Variants in MTG2 observed in about 807,000 individuals in gnomAD.
The protein encoded by MTG2 is mitochondrial ribosome-associated GTPase 2.
MTG2 carries 23 observed loss-of-function variants against 28.6 expected under a neutral mutation model. The ratio of observed to expected loss-of-function variants is 0.80; its 90% CI spans 0.58 to 1.14. The LOEUF is 1.14. Among genes scored for constraint, MTG2 ranks in the 50% most tolerant of loss-of-function variants. MTG2 has a pLI of 0.00. For synonymous variants in MTG2, 260 were observed against 251.8 expected, an observed-to-expected ratio of 1.03 and a Z score of -0.31; for missense variants, 539 against 552.0, an observed-to-expected ratio of 0.98 and a Z score of 0.24.
intron 1 of MTG2, among the ~76,000 whole-genome samples, chr20:62,185,364 A>G (rs2057819305): frequency 6.6e-6 from 1 of 152,192 alleles, no homozygotes; most frequent in Non-Finnish European, 1.5e-5. Flanking sequence ...GTGAGCTGAG[A>G]TCATGCCACT....
intron 1 of MTG2, among the ~76,000 whole-genome samples, chr20:62,188,301 A>G (rs1053707872): frequency 6.6e-6 from 1 of 151,980 alleles, no homozygotes. Context: ...TTGACTTCCA[A>G]TTTAATTCCG....
At chr20:62,194,978 C>T (rs1251400567) in intron 2 of MTG2, among the ~76,000 whole-genome samples, 2 of 152,208 alleles carry the variant, frequency 1.3e-5, no homozygotes, top group Admixed American at 6.5e-5. Flanking sequence ...GGGTGGATCA[C>T]GAGGTCAGGA....
chr20:62,193,347 C>T (rs186798167), intron 1 of MTG2, 69 bp from the exon 2 acceptor site: 16 of 1,454,160 alleles, frequency 1.1e-5, no homozygotes, highest in African/African-American at 9.8e-5. Context: ...ATGAGGCCCT[C>T]GTCTTCAGTT....
intron 1 of MTG2, among the ~76,000 whole-genome samples, chr20:62,185,593 T>C (rs1443518032): frequency 1.3e-5 from 2 of 152,012 alleles, no homozygotes; most frequent in Admixed American, 1.3e-4. Context: ...GGTGAGATCA[T>C]GCTATTGCAC....
At chr20:62,189,606 G>A (rs1411940603) in intron 1 of MTG2, among the ~76,000 whole-genome samples, 1 of 151,208 alleles carries the variant, frequency 6.6e-6, no homozygotes, top group East Asian at 1.9e-4. Context: ...TGCCCAGCTA[G>A]CTCTTTTTAA....
intron 1 of MTG2, among the ~76,000 whole-genome samples, chr20:62,184,659 A>G (rs1477861604): frequency 6.6e-6 from 1 of 152,158 alleles, no homozygotes; most frequent in Non-Finnish European, 1.5e-5. Context: ...TCTCTGGTAG[A>G]GGGCCAGGTC....
chr20:62,195,835 G>T lies in MTG2; in HGVS notation c.238G>T (p.Val80Phe), dbSNP rs775099082. 1 of 1,614,226 alleles carries T rather than the reference G, an allele frequency of 6.2e-7. No individual in the cohort carries two copies. Among genetic ancestry groups the T allele is most frequent in the Admixed American group, 1.7e-5 (1 of 60,030 alleles). ...CTTTGTGGACTATCGGAGAGTGCTT[G>T]TCTGTGGAGGAAACGGAGGCGCTGG... ...RYFVDYRRVL[V>F]CGGNGGAGAS... The change falls in exon 3 of 7, where the codon GTC becomes TTC. Residue 80 changes from valine (V) to phenylalanine (F), a missense_variant. Coordinates refer to ENST00000370823, the MANE Select transcript of MTG2 (RefSeq NM_015666.4).
At chr20:62,196,168 T>TTTTG (rs1568788366) in intron 3 of MTG2, among the ~76,000 whole-genome samples, 1 of 83,484 alleles carries the variant, frequency 1.2e-5, no homozygotes, top group East Asian at 7.1e-4. Context: ...TGTTTTTTTG[T>TTTTG]TTTTTTTTTT....
At chr20:62,196,052 C>T (rs775770566) in intron 3 of MTG2, 103 bp downstream of exon 3, 11 of 1,406,966 alleles carry the variant, frequency 7.8e-6, no homozygotes, top group Admixed American at 2.1e-5. Flanking sequence ...GTGGCTTATG[C>T]CTGTGATCCC....
At chr20:62,198,330 G>T in intron 4 of MTG2, 1 of 538,162 alleles carries the variant, frequency 1.9e-6, no homozygotes, top group Non-Finnish European at 3.3e-6. Context: ...TTCGCGAGCT[G>T]AATTCACTCG....
At chr20:62,184,430 C>T (rs546134782) in intron 1 of MTG2, among the ~76,000 whole-genome samples, 1 of 152,292 alleles carries the variant, frequency 6.6e-6, no homozygotes, top group East Asian at 1.9e-4. Flanking sequence ...ATAAAGGGAC[C>T]GTTTGCAAAG....
intron 6 of MTG2, 164 bp downstream of exon 6, chr20:62,199,421 G>A (rs1467663797): frequency 2.9e-5 from 22 of 759,278 alleles, no homozygotes; most frequent in Middle Eastern, 3.8e-4. Flanking sequence ...CGAGGCAGGC[G>A]GATCACGAGG....
chr20:62,198,865 A>T lies in MTG2; in HGVS notation c.687+13A>T, dbSNP rs1286104881. ...CCACGCCGGAATGGTAGGTGTCCCC[A>T]CTGCCAACAGCATCTGCACACACTC... On this transcript the variant is annotated intron_variant, in intron 5 of 6. Coordinates refer to ENST00000370823, the MANE Select transcript of MTG2 (RefSeq NM_015666.4). The T allele has an allele frequency of 6.2e-7, 1 of 1,613,882 alleles. No homozygotes were observed. The highest frequency in any genetic ancestry group is 8.5e-7 in the Non-Finnish European group (1 of 1,179,910).
intron 3 of MTG2, among the ~76,000 whole-genome samples, chr20:62,196,167 GTTTTTTTTT>G (rs35103146): frequency 1.4e-5 from 2 of 145,912 alleles, no homozygotes; most frequent in Non-Finnish European, 3.0e-5. Flanking sequence ...TTGTTTTTTT[GTTTTTTTTT>G]TTTTGCCTCA....
intron 1 of MTG2, among the ~76,000 whole-genome samples, chr20:62,191,607 C>T (rs1394644897): frequency 3.3e-5 from 5 of 152,040 alleles, no homozygotes; most frequent in South Asian, 2.1e-4. Flanking sequence ...GGGAGGCGTC[C>T]GAGGCACTGC....
In MTG2 at chr20:62,202,959, A is replaced by C. The variant is rs948303507; in HGVS notation, c.*1882A>C. On this transcript the variant is annotated 3_prime_UTR_variant, in exon 7 of 7. Transcript: ENST00000370823. ...AGCAATTCCGTTTTGATCTCACATC[A>C]AATCTGCAGCTAGAACATGACAGTC... The C allele has an allele frequency of 1.6e-4, 24 of 152,244 alleles. No individual in the cohort carries two copies. The highest frequency in any genetic ancestry group is 5.8e-4 in the African/African-American group (24 of 41,466). 9.4% of individuals were successfully genotyped at this position (152,244 alleles called of 1,614,324 possible).
chr20:62,197,658 A>G (rs2058084530), intron 3 of MTG2, 194 bp from the exon 4 acceptor site: 3 of 569,220 alleles, frequency 5.3e-6, no homozygotes, highest in South Asian at 4.4e-5. Flanking sequence ...ATTTTCAGAA[A>G]TGATAGCACT....
At chr20:62,185,641 CA>C (rs113686867) in intron 1 of MTG2, among the ~76,000 whole-genome samples, 2 of 150,264 alleles carry the variant, frequency 1.3e-5, no homozygotes, top group Non-Finnish European at 3.0e-5. Context: ...ACTCTTGTCT[CA>C]AAAAAAAACC....
intron 1 of MTG2, among the ~76,000 whole-genome samples, chr20:62,188,167 A>G (rs1477156074): frequency 2.0e-5 from 3 of 150,992 alleles, no homozygotes; most frequent in South Asian, 2.1e-4. Context: ...TTGCATTTCC[A>G]TTATAATTCA....
Sources: allele counts gnomAD v4.1 joint callset (sites outside exome capture counted in the v4.1 genomes callset), GRCh38; gene constraint gnomAD v4.1.1; transcripts MANE v1.5; gene names NCBI Gene and HGNC (gene_info 2026-07-23, HGNC 2026-07-21).